CACNA1C: variants seen among roughly 807,000 people sequenced by gnomAD.
The protein encoded by CACNA1C is voltage-dependent L-type calcium channel subunit alpha-1C.
CACNA1C carries 30 observed loss-of-function variants against 229.0 expected under a neutral mutation model. That is an observed-to-expected ratio of 0.13 (90% CI 0.10 to 0.18). The LOEUF is 0.18. CACNA1C is among the 10% of genes least tolerant of loss of function. The pLI is 1.00. For synonymous variants in CACNA1C, 1,114 were observed against 1,132.5 expected (o/e 0.98, Z 0.33); for missense variants, 1,658 against 2,845.0 (o/e 0.58, Z 9.49).
chr12:2,573,727 C>A (rs538896204), intron 13 of CACNA1C, among the ~76,000 whole-genome samples: 3 of 152,324 alleles, frequency 2.0e-5, no homozygotes, highest in Admixed American at 6.5e-5. Context: ...TAATTTATTA[C>A]TGAGAGCTGA....
chr12:2,322,863 G>A (rs1012223831), intron 3 of CACNA1C, among the ~76,000 whole-genome samples: 4 of 152,280 alleles, frequency 2.6e-5, no homozygotes, highest in African/African-American at 7.2e-5. Flanking sequence ...TTAGAGCAGC[G>A]CTTGGTCCAT....
intron 3 of CACNA1C, among the ~76,000 whole-genome samples, chr12:2,136,668 C>T (rs1215140836): frequency 6.6e-6 from 1 of 151,018 alleles, no homozygotes; most frequent in Admixed American, 6.6e-5. Context: ...GTCCTGGGGG[C>T]ATGCCATGGA....
rs548367009 is a variant in CACNA1C, at chr12:2,363,490, C to T, written c.478-85486C>T. 2.0e-5 allele frequency among the ~76,000 whole-genome samples: 3 copies of T among 152,322 alleles called. No homozygotes were observed. The East Asian group carries it at 5.8e-4, about 29-fold the overall frequency. On this transcript the variant is annotated intron_variant, in intron 3 of 46. Transcript: ENST00000399655. ...TGTCGGAGGAGAGGTGGCTATCTGG[C>T]GCTGTTTGCAGATGTCTTTCTCTTC...
chr12:2,593,298 G>T lies in CACNA1C; in HGVS notation c.2616G>T (p.Val872=). ...AGCTTCACCTTAAGGAAAAGGCAGTGCCCATGCCAGAAGCCAGCGCGTTTT... is the reference window on the plus strand; with the variant it reads ...AGCTTCACCTTAAGGAAAAGGCAGTTCCCATGCCAGAAGCCAGCGCGTTTT... ...LSELHLKEKA[V]PMPEASAFFI... Residue 872 remains valine, a synonymous_variant, in exon 19 of 47, where the codon GTG becomes GTT. Transcript: ENST00000399655. The T allele has an allele frequency of 6.2e-7, 1 of 1,613,862 alleles. No individual in the cohort carries two copies. Among genetic ancestry groups the T allele is most frequent in the Non-Finnish European group, 8.5e-7 (1 of 1,179,854 alleles).
chr12:2,054,494 C>G lies in CACNA1C; in HGVS notation c.49+883C>G, dbSNP rs906833619. 2.0e-5 allele frequency among the ~76,000 whole-genome samples: 3 copies of G among 152,150 alleles called. No homozygotes were observed. Among genetic ancestry groups the G allele is most frequent in the Admixed American group, 6.5e-5 (1 of 15,280 alleles). On this transcript the variant is annotated intron_variant, in intron 1 of 46. Transcript: ENST00000399655. This position sits in a 1 kb window ranked among gnomAD's most constrained non-coding sequence, Gnocchi z 5.5. ...TTCCGAGCATCTCCATCCTTGGCCG[C>G]GAGTGTCACCAGCTCCCCCTGTGAT...
At chr12:2,592,703 A>ATTTT (rs55789235) in intron 18 of CACNA1C, among the ~76,000 whole-genome samples, 1 of 131,604 alleles carries the variant, frequency 7.6e-6, no homozygotes, top group Admixed American at 7.6e-5. Context: ...CAGCACATGA[A>ATTTT]TTTTTTTTTT....
At chr12:2,281,940 G>C (rs2091407824) in intron 3 of CACNA1C, among the ~76,000 whole-genome samples, 3 of 152,016 alleles carry the variant, frequency 2.0e-5, no homozygotes, top group Admixed American at 6.6e-5. Flanking sequence ...TTGTCGAACA[G>C]ATCACTGGCA....
At chr12:2,378,819 T>TTCCTTCCTTCCTTCATTCCTTC (rs745485698) in intron 3 of CACNA1C, among the ~76,000 whole-genome samples, 1 of 147,766 alleles carries the variant, frequency 6.8e-6, no homozygotes, top group African/African-American at 2.5e-5. Flanking sequence ...CCTTCCTTCC[T>TTCCTTCCTTCCTTCATTCCTTC]CTCTCTCTTT....
intron 3 of CACNA1C, among the ~76,000 whole-genome samples, chr12:2,409,873 C>T (rs553690970): frequency 1.6e-4 from 25 of 152,318 alleles, no homozygotes; most frequent in Non-Finnish European, 3.4e-4. Context: ...GTGTGATGTA[C>T]ACAGTCCCTC....
At chr12:2,192,509 C>T (rs1458143010) in intron 3 of CACNA1C, among the ~76,000 whole-genome samples, 6 of 152,224 alleles carry the variant, frequency 3.9e-5, no homozygotes, top group Non-Finnish European at 8.8e-5. Flanking sequence ...TAAAGACGTC[C>T]ATTTCCCATG....
In CACNA1C at chr12:2,584,627, T is replaced by A; in HGVS notation, c.2339+10T>A. 2 of 1,582,120 alleles carry A rather than the reference T, an allele frequency of 1.3e-6. No homozygotes were observed. The highest frequency in any genetic ancestry group is 1.7e-6 in the Non-Finnish European group (2 of 1,152,874). ...GAAAGAAGCTGGCCAGGTAACCCTC[T>A]AAGCTTGCCCAGGCCTGGGGCTCCA... is the stretch of plus-strand genomic sequence containing the variant. On this transcript the variant is annotated intron_variant, in intron 16 of 46. Coordinates refer to ENST00000399655, the MANE Select transcript of CACNA1C (RefSeq NM_000719.7).
At chr12:2,563,944 AGATGGGG>A (rs2048878398) in intron 11 of CACNA1C, among the ~76,000 whole-genome samples, 1 of 152,238 alleles carries the variant, frequency 6.6e-6, no homozygotes, top group South Asian at 2.1e-4. Flanking sequence ...GAGTTCACAC[AGATGGGG>A]CTTGCTGTTC....
chr12:2,309,376 A>G (rs1396087931), intron 3 of CACNA1C, among the ~76,000 whole-genome samples: 1 of 152,206 alleles, frequency 6.6e-6, no homozygotes, highest in Non-Finnish European at 1.5e-5. Context: ...GGGAAGGGTT[A>G]TAAACTTGGC....
At chr12:2,328,847 AGT>A (rs1325515748) in intron 3 of CACNA1C, among the ~76,000 whole-genome samples, 1 of 152,216 alleles carries the variant, frequency 6.6e-6, no homozygotes, top group Non-Finnish European at 1.5e-5. Context: ...TCACTTTGAC[AGT>A]GTGGGTAGAC....
intron 3 of CACNA1C, among the ~76,000 whole-genome samples, chr12:2,325,185 G>A (rs546188355): frequency 5.9e-5 from 9 of 152,208 alleles, no homozygotes; most frequent in African/African-American, 2.2e-4. Context: ...CCTGCTGTCC[G>A]GAGGCACCCA....
At chr12:2,318,475 T>C (rs1212967424) in intron 3 of CACNA1C, among the ~76,000 whole-genome samples, 1 of 152,244 alleles carries the variant, frequency 6.6e-6, no homozygotes, top group East Asian at 1.9e-4. Flanking sequence ...CCGTTGGACC[T>C]GGCACCCAGC....
rs1198096754 is a variant in CACNA1C at position 2,646,022 on chromosome 12, CTT to C, written c.3913-2452_3913-2451del. On this transcript the variant is annotated intron_variant, in intron 30 of 46. Coordinates refer to ENST00000399655, the MANE Select transcript of CACNA1C (RefSeq NM_000719.7). This position sits in a 1 kb window ranked among gnomAD's most constrained non-coding sequence, Gnocchi z 4.6. ...TCCTCATAGCTGCTCCTGACTTTCT[CTT>C]GTCTGCCATTATAGAGACATGCCAT... 1.3e-5 allele frequency among the ~76,000 whole-genome samples: 2 copies of C among 152,182 alleles called. No homozygotes were observed. The highest frequency in any genetic ancestry group is 2.9e-5 in the Non-Finnish European group (2 of 68,030).
intron 3 of CACNA1C, among the ~76,000 whole-genome samples, chr12:2,318,205 C>T (rs1336202459): frequency 2.6e-5 from 4 of 152,246 alleles, no homozygotes; most frequent in Non-Finnish European, 2.9e-5. Flanking sequence ...ATGATCTTTG[C>T]GCCCCTTGGC....
chr12:2,198,323 G>A (rs963166495), intron 3 of CACNA1C, among the ~76,000 whole-genome samples: 1 of 152,140 alleles, frequency 6.6e-6, no homozygotes, highest in Non-Finnish European at 1.5e-5. Flanking sequence ...CCGGAGAGGC[G>A]GCTTCTGAGG....
Sources: gnomAD v4.1 joint callset for allele counts (sites outside exome capture counted in the v4.1 genomes callset) on GRCh38, gnomAD v4.1.1 for gene constraint, Gnocchi (gnomAD v3.1) non-coding constraint, MANE v1.5 for transcripts, NCBI Gene and HGNC (gene_info 2026-07-23, HGNC 2026-07-21) for gene names.